ODF2: variants seen among roughly 807,000 people sequenced by gnomAD.
ODF2 encodes the protein outer dense fiber protein 2.
Under a neutral mutation model 110.2 loss-of-function variants are expected in ODF2, and 47 were observed. That is an observed-to-expected ratio of 0.43 (90% CI 0.34 to 0.54). ODF2 has a LOEUF of 0.54. Ranked by LOEUF, ODF2 falls within the 20% of genes least tolerant of loss-of-function variation. The probability of loss-of-function intolerance (pLI) is 0.03; values close to 1 mark genes in which losing one functional copy is unlikely to be tolerated. For synonymous variants in ODF2, 352 were observed against 397.7 expected, an observed-to-expected ratio of 0.89 and a Z score of 1.37; for missense variants, 812 against 1,054.5, an observed-to-expected ratio of 0.77 and a Z score of 3.19.
chr9:128,500,450 T>C, exon 21 of ODF2: 1 of 574,326 alleles, frequency 1.7e-6, no homozygotes, highest in Non-Finnish European at 3.1e-6. Context: ...TTCTCCTTCC[T>C]GATATAGTCA....
chr9:128,474,302 C>T (rs1350310718), intron 8 of ODF2, among the ~76,000 whole-genome samples: 2 of 151,702 alleles, frequency 1.3e-5, no homozygotes, highest in African/African-American at 2.4e-5. Flanking sequence ...AGACCAGCCT[C>T]GCCAACAGAG....
At chr9:128,461,044 C>A in exon 4 of ODF2, 1 of 1,614,108 alleles carries the variant, frequency 6.2e-7, no homozygotes, top group Non-Finnish European at 8.5e-7. Flanking sequence ...ATCATCTGCC[C>A]GGCCTGTGGG....
intron 6 of ODF2, among the ~76,000 whole-genome samples, chr9:128,472,350 G>C (rs1008333782): frequency 1.3e-5 from 2 of 152,144 alleles, no homozygotes; most frequent in Admixed American, 6.5e-5. Flanking sequence ...TGGAATTACA[G>C]GTGCCCACTA....
intron 8 of ODF2, among the ~76,000 whole-genome samples, chr9:128,480,268 G>A (rs1842151333): frequency 6.6e-6 from 1 of 152,068 alleles, no homozygotes; most frequent in African/African-American, 2.4e-5. Flanking sequence ...AGGTATATTT[G>A]ACAAACAGAA....
At chr9:128,475,000 G>C (rs1588856620) in intron 8 of ODF2, among the ~76,000 whole-genome samples, 1 of 152,062 alleles carries the variant, frequency 6.6e-6, no homozygotes, top group African/African-American at 2.4e-5. Flanking sequence ...TTATATGTTA[G>C]CAAATATAGT....
intron 6 of ODF2, among the ~76,000 whole-genome samples, chr9:128,472,587 C>T (rs1414927505): frequency 2.0e-5 from 3 of 152,020 alleles, no homozygotes; most frequent in African/African-American, 7.2e-5. Context: ...TAGAAGGGCT[C>T]AAAATCGTAT....
chr9:128,476,157 G>A (rs980840646), intron 8 of ODF2, among the ~76,000 whole-genome samples: 2 of 152,074 alleles, frequency 1.3e-5, no homozygotes, highest in African/African-American at 4.8e-5. Flanking sequence ...CTTGGCTATT[G>A]TGAATGATGA....
intron 8 of ODF2, among the ~76,000 whole-genome samples, chr9:128,476,081 C>T (rs888934783): frequency 2.4e-5 from 2 of 82,882 alleles, no homozygotes; most frequent in Non-Finnish European, 3.9e-5. Context: ...CAGTAGTATT[C>T]CATTGTGTAT....
chr9:128,463,690 G>T (rs1270796421), intron 4 of ODF2, among the ~76,000 whole-genome samples: 1 of 152,100 alleles, frequency 6.6e-6, no homozygotes, highest in East Asian at 1.9e-4. Context: ...GAAAATGGGC[G>T]TCTGTGTCCA....
intron 4 of ODF2, among the ~76,000 whole-genome samples, chr9:128,467,744 C>CAAA (rs5900797): frequency 2.6e-4 from 31 of 117,668 alleles, no homozygotes; most frequent in South Asian, 2.0e-3. Context: ...GACCCTGTCT[C>CAAA]AAAAAAAAAA....
intron 1 of ODF2, chr9:128,456,762 G>GGGGGGTCCC: frequency 1.0e-6 from 1 of 957,722 alleles, no homozygotes; most frequent in Non-Finnish European, 1.2e-6. Flanking sequence ...GCCCGGCGGG[G>GGGGGGTCCC]GGGGGTCCCG....
chr9:128,482,992 T>G (rs1842708443), intron 10 of ODF2, 105 bp downstream of exon 10: 2 of 831,238 alleles, frequency 2.4e-6, no homozygotes, highest in Admixed American at 5.1e-5. Flanking sequence ...GCCTCCCGGA[T>G]TTGAGTGATT....
intron 4 of ODF2, among the ~76,000 whole-genome samples, chr9:128,466,743 C>T (rs576572262): frequency 6.7e-6 from 1 of 148,622 alleles, no homozygotes; most frequent in East Asian, 2.0e-4. Context: ...TTTGGGAGGC[C>T]GAGGCGGGCG....
rs373680688 is a variant in ODF2, at chr9:128,481,462, G to A, written c.844-118G>A. On this transcript the variant is annotated intron_variant, in intron 8 of 20. Coordinates refer to ENST00000604420, the Ensembl canonical transcript of ODF2. ...ACTGCACTCCAGCCTGGGCAACAGA[G>A]TAAGACTCTAAAAAAAAAAAAAAAT... The A allele has an allele frequency of 1.4e-4, 95 of 701,660 alleles. 2 individuals are homozygous for A. The East Asian group carries it at 2.3e-3, about 17-fold the overall frequency. 43.5% of individuals were successfully genotyped at this position (701,660 alleles called of 1,614,324 possible). A position where few individuals can be genotyped will look rare whatever the true frequency, so the allele number is the denominator to read the frequency against.
intron 14 of ODF2, among the ~76,000 whole-genome samples, chr9:128,492,043 C>G (rs546329774): frequency 1.0e-3 from 155 of 151,918 alleles, no homozygotes; most frequent in Non-Finnish European, 1.8e-3. Flanking sequence ...TTTTTTGTAC[C>G]TTTAGTAGAG....
chr9:128,479,217 G>C (rs1339375707), intron 8 of ODF2, among the ~76,000 whole-genome samples: 1 of 152,174 alleles, frequency 6.6e-6, no homozygotes, highest in Non-Finnish European at 1.5e-5. Context: ...GGCTTATGAA[G>C]GGGATCTGTG....
intron 2 of ODF2, among the ~76,000 whole-genome samples, chr9:128,458,129 CT>C (rs1186895316): frequency 8.5e-4 from 1 of 1,170 alleles, no homozygotes; most frequent in African/African-American, 9.7e-4. Context: ...CTGCCACCCC[CT>C]GGTCGCTCCA....
exon 12 of ODF2, chr9:128,484,750 T>C (rs1310673735): frequency 2.5e-6 from 4 of 1,602,672 alleles, no homozygotes; most frequent in Non-Finnish European, 3.4e-6. Flanking sequence ...GAGGCCATCA[T>C]GGAGCAGCTG....
At chr9:128,484,595 C>G (rs753955822) in intron 11 of ODF2, 106 bp from the exon 12 acceptor site, 19 of 1,240,910 alleles carry the variant, frequency 1.5e-5, no homozygotes, top group Non-Finnish European at 2.0e-5. Flanking sequence ...CTCGTTTCCT[C>G]TTTGCTCTTG....
Sources: allele counts gnomAD v4.1 joint callset (sites outside exome capture counted in the v4.1 genomes callset), GRCh38; gene constraint gnomAD v4.1.1; transcripts MANE v1.5; gene names NCBI Gene and HGNC (gene_info 2026-07-23, HGNC 2026-07-21).